PTGER3: variants seen among roughly 807,000 people sequenced by gnomAD.
PTGER3 encodes prostaglandin E2 receptor EP3 subtype.
PTGER3 carries 22 observed loss-of-function variants against 34.7 expected under a neutral mutation model. The observed-to-expected ratio is 0.63, with a 90% confidence interval of 0.45 to 0.91. The LOEUF (loss-of-function observed/expected upper bound fraction) is 0.91, where lower values mean the gene tolerates loss of function less well. Among genes scored for constraint, PTGER3 ranks in the 40% least tolerant of loss-of-function variants. The pLI is 0.00. For synonymous variants in PTGER3, 241 were observed against 230.1 expected, an observed-to-expected ratio of 1.05 and a Z score of -0.43; for missense variants, 468 against 519.4, an observed-to-expected ratio of 0.90 and a Z score of 0.96.
intron 2 of PTGER3, among the ~76,000 whole-genome samples, chr1:71,002,008 C>T (rs1180852097): frequency 2.0e-5 from 3 of 152,094 alleles, no homozygotes; most frequent in Non-Finnish European, 4.4e-5. Flanking sequence ...GTAATCCCAG[C>T]ACTTTGGGAG....
intron 1 of PTGER3, among the ~76,000 whole-genome samples, chr1:71,028,504 A>C (rs1001103757): frequency 3.9e-5 from 6 of 152,202 alleles, no homozygotes; most frequent in Non-Finnish European, 7.3e-5. Context: ...ATAATGACTG[A>C]GGGCAACATA....
At chr1:70,879,161 G>T (rs114955347) in intron 4 of PTGER3, among the ~76,000 whole-genome samples, 96 of 152,262 alleles carry the variant, frequency 6.3e-4, no homozygotes, top group African/African-American at 2.1e-3. Flanking sequence ...CCTGTGTTGG[G>T]TGGATATATA....
intron 1 of PTGER3, among the ~76,000 whole-genome samples, chr1:71,033,002 A>G (rs1415507109): frequency 1.3e-5 from 2 of 152,300 alleles, no homozygotes; most frequent in Admixed American, 6.5e-5. Flanking sequence ...AAATTTTGGT[A>G]ACTTCTGTGT....
At chr1:70,968,315 A>G (rs538352237), downstream of PTGER3, among the ~76,000 whole-genome samples, 172 of 152,344 alleles carry the variant, frequency 1.1e-3, 1 homozygote, top group Non-Finnish European at 1.9e-3. Flanking sequence ...TTTGTTTCAC[A>G]TATGTATCCC....
intron 2 of PTGER3, chr1:71,009,959 C>T: frequency 1.1e-5 from 11 of 985,054 alleles, no homozygotes; most frequent in Non-Finnish European, 1.3e-5. Context: ...ATCAGGTTTC[C>T]CCATACTAAC....
intron 4 of PTGER3, among the ~76,000 whole-genome samples, chr1:70,932,919 A>G (rs776570182): frequency 5.3e-5 from 8 of 152,202 alleles, no homozygotes; most frequent in Non-Finnish European, 1.0e-4. Context: ...ATACAAAAAC[A>G]TACACACGAA....
intron 1 of PTGER3, 30 bp downstream of exon 1, chr1:71,046,651 C>A: frequency 6.6e-7 from 1 of 1,515,114 alleles, no homozygotes; most frequent in South Asian, 1.3e-5. Context: ...CACACGCATC[C>A]TGACTTCCCC....
chr1:71,024,872 CTTTTATTTATTTATTT>C (rs1572962723), intron 1 of PTGER3, among the ~76,000 whole-genome samples: 1 of 131,446 alleles, frequency 7.6e-6, no homozygotes, highest in East Asian at 2.2e-4. Flanking sequence ...ATACTTGATT[CTTTTATTTATTTATTT>C]ATTTATTTAT....
At chr1:71,019,789 A>G (rs1347261647) in intron 1 of PTGER3, among the ~76,000 whole-genome samples, 1 of 152,186 alleles carries the variant, frequency 6.6e-6, no homozygotes, top group Non-Finnish European at 1.5e-5. Context: ...AAGATGATAA[A>G]TGAGGAAACC....
chr1:71,040,158 AAGAG>A lies in PTGER3; in HGVS notation c.897+6519_897+6522del, dbSNP rs368268554. ...AAGAGAGAAAGAAAAAAAGAAAGAA[AAGAG>A]AGAGGAGGAGAGGGAAGGGAAGGGA... On this transcript the variant is annotated intron_variant, in intron 1 of 3. Transcript: ENST00000306666. Among the ~76,000 whole-genome samples, 58 of 151,866 alleles carry A rather than the reference AAGAG, an allele frequency of 3.8e-4. 1 individual carries two copies. Among genetic ancestry groups the A allele is most frequent in the African/African-American group, 1.4e-3 (56 of 41,384 alleles).
At chr1:70,927,634 A>G (rs77075680) in intron 4 of PTGER3, among the ~76,000 whole-genome samples, 2,071 of 152,256 alleles carry the variant, frequency 0.014, 33 homozygotes, top group Non-Finnish European at 0.018. Flanking sequence ...ATCAGTAACT[A>G]AGGCCACAGA....
chr1:70,858,201 CTTT>C (rs35355255), intron 4 of PTGER3, among the ~76,000 whole-genome samples: 7 of 134,120 alleles, frequency 5.2e-5, no homozygotes, highest in Non-Finnish European at 4.8e-5. Context: ...AACACAGATT[CTTT>C]TTTTTTTTTT....
chr1:71,010,470 C>T (rs1657342331), intron 2 of PTGER3: 7 of 983,516 alleles, frequency 7.1e-6, no homozygotes, highest in Non-Finnish European at 8.4e-6. Flanking sequence ...AGGTGCTATA[C>T]TAGATGCTGG....
At chr1:70,950,276 A>C (rs573170796), downstream of PTGER3, among the ~76,000 whole-genome samples, 18 of 152,324 alleles carry the variant, frequency 1.2e-4, no homozygotes, top group South Asian at 3.5e-3. Flanking sequence ...TAGAACAATC[A>C]GCTGTCTAAT....
At chr1:70,909,268 G>A (rs1647013003) in intron 4 of PTGER3, among the ~76,000 whole-genome samples, 1 of 152,180 alleles carries the variant, frequency 6.6e-6, no homozygotes, top group South Asian at 2.1e-4. Context: ...AGAGCTATGT[G>A]TACGTGTTTA....
chr1:70,933,818 GT>G (rs757779629), intron 4 of PTGER3, among the ~76,000 whole-genome samples: 22 of 152,090 alleles, frequency 1.4e-4, no homozygotes, highest in African/African-American at 4.1e-4. Flanking sequence ...GGTAATGGAA[GT>G]TTTTTTTAAC....
intron 2 of PTGER3, among the ~76,000 whole-genome samples, chr1:70,984,995 C>T (rs891278121): frequency 1.3e-5 from 2 of 152,052 alleles, no homozygotes; most frequent in African/African-American, 2.4e-5. Context: ...GAAACCCTTC[C>T]ATCACGACAG....
intron 4 of PTGER3, among the ~76,000 whole-genome samples, chr1:70,914,693 C>T (rs926350801): frequency 6.6e-6 from 1 of 151,848 alleles, no homozygotes; most frequent in African/African-American, 2.4e-5. Flanking sequence ...ATCAATCATC[C>T]TCTGCTTCAG....
chr1:70,890,336 G>T (rs1646589422), intron 4 of PTGER3, among the ~76,000 whole-genome samples: 1 of 152,118 alleles, frequency 6.6e-6, no homozygotes, highest in African/African-American at 2.4e-5. Context: ...GAGGCTTATA[G>T]AATTAAGTGA....
Sources: allele counts gnomAD v4.1 joint callset (sites outside exome capture counted in the v4.1 genomes callset), GRCh38; gene constraint gnomAD v4.1.1; transcripts MANE v1.5; gene names NCBI Gene and HGNC (gene_info 2026-07-23, HGNC 2026-07-21).